The following EPDR1 variants were observed in gnomAD, a reference collection of about 807,000 sequenced individuals.
EPDR1 encodes mammalian ependymin-related protein 1.
EPDR1 carries 27 observed loss-of-function variants against 23.7 expected under a neutral mutation model. That is an observed-to-expected ratio of 1.14 (90% CI 0.84 to 1.57). The LOEUF (loss-of-function observed/expected upper bound fraction) is 1.57, where lower values mean the gene tolerates loss of function less well. EPDR1 is among the 40% of genes most tolerant of loss of function. EPDR1 has a pLI of 0.00. For synonymous variants in EPDR1, 137 were observed against 118.2 expected (o/e 1.16, Z -1.03); for missense variants, 349 against 290.4 (o/e 1.20, Z -1.47).
intron 1 of EPDR1, among the ~76,000 whole-genome samples, chr7:37,929,250 T>C (rs1785881803): frequency 6.6e-6 from 1 of 152,198 alleles, no homozygotes; most frequent in South Asian, 2.1e-4. Flanking sequence ...TGTTTAACGT[T>C]AAAGTTTGTT....
intron 1 of EPDR1, among the ~76,000 whole-genome samples, chr7:37,939,517 C>T (rs977799329): frequency 6.6e-6 from 1 of 152,102 alleles, no homozygotes; most frequent in African/African-American, 2.4e-5. Flanking sequence ...TAGCAGAATG[C>T]ATGTTGCTCT....
chr7:37,938,033 C>T (rs1786092476), intron 1 of EPDR1, among the ~76,000 whole-genome samples: 1 of 107,610 alleles, frequency 9.3e-6, no homozygotes, highest in South Asian at 3.6e-4. Context: ...CTCTGCCGCC[C>T]AGGCTAGAAT....
rs1562865063 is a variant in EPDR1 at position 37,948,963 on chromosome 7, C to T, written c.393C>T (p.Ser131=). 6.2e-7 allele frequency: 1 copy of T among 1,614,168 alleles called. No homozygotes were observed. The highest frequency in any genetic ancestry group is 2.2e-5 in the East Asian group (1 of 44,876). Reference sequence around the variant, plus strand: ...ATCCTCTTGACATTCCTCAAAACTCCACCTTTGAAGACCAGTACTCCATCG... The same window carrying T: ...ATCCTCTTGACATTCCTCAAAACTCTACCTTTGAAGACCAGTACTCCATCG... The part of the protein sequence containing the change: ...PWDPLDIPQN[S]TFEDQYSIGG... Residue 131 remains serine (S), a synonymous_variant, in exon 2 of 3, where the codon TCC becomes TCT. Coordinates refer to ENST00000199448, the MANE Select transcript of EPDR1 (RefSeq NM_017549.5).
At chr7:37,945,918 C>A (rs112941118) in intron 1 of EPDR1, among the ~76,000 whole-genome samples, 1 of 152,070 alleles carries the variant, frequency 6.6e-6, no homozygotes, top group Admixed American at 6.5e-5. Flanking sequence ...GTTGCTTCCC[C>A]GACGCGTCCA....
chr7:37,938,930 G>T (rs1018801855), intron 1 of EPDR1, among the ~76,000 whole-genome samples: 2 of 151,720 alleles, frequency 1.3e-5, no homozygotes, highest in South Asian at 2.1e-4. Context: ...CCTGTTAATT[G>T]TCTGTACAAT....
chr7:37,935,427 G>A (rs2132009255), intron 1 of EPDR1, among the ~76,000 whole-genome samples: 1 of 152,188 alleles, frequency 6.6e-6, no homozygotes, highest in African/African-American at 2.4e-5. Flanking sequence ...ACAAATATGA[G>A]ATTTTCCTGC....
rs763723309 is a variant in EPDR1 at position 37,920,741 on chromosome 7, G to T, written c.-199G>T. On this transcript the variant is annotated 5_prime_UTR_variant, in exon 1 of 3. Transcript: ENST00000199448. ...GCGCGATTCACTGGAGCCTTCCCCGGGCCCTGGTCCCGGCTACCGGGACTC... is the reference window on the plus strand; with the variant it reads ...GCGCGATTCACTGGAGCCTTCCCCGTGCCCTGGTCCCGGCTACCGGGACTC... 3.1e-6 allele frequency: 5 copies of T among 1,609,300 alleles called. No individual in the cohort carries two copies. The highest frequency in any genetic ancestry group is 4.2e-6 in the Non-Finnish European group (5 of 1,177,534).
At chr7:37,940,789 A>T (rs1786154653) in intron 1 of EPDR1, among the ~76,000 whole-genome samples, 1 of 140,060 alleles carries the variant, frequency 7.1e-6, no homozygotes, top group Admixed American at 7.2e-5. Context: ...TATCTATATG[A>T]ATTCGAGTTT....
intron 1 of EPDR1, among the ~76,000 whole-genome samples, chr7:37,931,051 T>C (rs1014901667): frequency 1.2e-4 from 16 of 130,212 alleles, no homozygotes; most frequent in Admixed American, 9.8e-4. Context: ...AGAGAAATTA[T>C]TCAATTTTTT....
Position 37,920,996 on chromosome 7 carries a change from G to A in EPDR1, c.57G>A (p.Leu19=). ...CGGGCGCCCTGGGTGCCTGGCTGCTGGGCGGCCTCTGGGCCTGGACCCTGT... is the reference window on the plus strand; with the variant it reads ...CGGGCGCCCTGGGTGCCTGGCTGCTAGGCGGCCTCTGGGCCTGGACCCTGT... ...TVPGALGAWL[L]GGLWAWTLCG... Residue 19 remains leucine, a synonymous_variant, in exon 1 of 3, where the codon CTG becomes CTA. Transcript: ENST00000199448. 6.5e-7 allele frequency: 1 copy of A among 1,534,858 alleles called. No individual in the cohort carries two copies. The highest frequency in any genetic ancestry group is 8.7e-7 in the Non-Finnish European group (1 of 1,144,754).
chr7:37,935,089 A>G (rs1023150007), intron 1 of EPDR1, among the ~76,000 whole-genome samples: 1 of 152,230 alleles, frequency 6.6e-6, no homozygotes, highest in Non-Finnish European at 1.5e-5. Flanking sequence ...TGCATAGGTT[A>G]TATGCAAATA....
At chr7:37,942,522 ATATATT>A (rs1486473807) in intron 1 of EPDR1, among the ~76,000 whole-genome samples, 3 of 152,188 alleles carry the variant, frequency 2.0e-5, no homozygotes, top group African/African-American at 7.2e-5. Context: ...CACAATGTGA[ATATATT>A]TAACATTACT....
chr7:37,927,152 T>C (rs1191634905), intron 1 of EPDR1, among the ~76,000 whole-genome samples: 1 of 152,224 alleles, frequency 6.6e-6, no homozygotes, highest in African/African-American at 2.4e-5. Flanking sequence ...AGTTAGAACC[T>C]GTGCTCTGGT....
At position 37,934,501 on chromosome 7, in the gene EPDR1, A is replaced by G. The variant is rs576865820; in HGVS notation, c.269+13293A>G. 3.3e-5 allele frequency among the ~76,000 whole-genome samples: 5 copies of G among 151,702 alleles called. No individual in the cohort carries two copies. The South Asian group carries it at 1.0e-3, about 32-fold the overall frequency. ...AGGAATCTCCAGAGGATTATCTCTCATTACAAACTTTCCTTTAGATCTTCA... is the reference window on the plus strand; with the variant it reads ...AGGAATCTCCAGAGGATTATCTCTCGTTACAAACTTTCCTTTAGATCTTCA... On this transcript the variant is annotated intron_variant, in intron 1 of 2. Coordinates refer to ENST00000199448, the MANE Select transcript of EPDR1 (RefSeq NM_017549.5).
intron 1 of EPDR1, among the ~76,000 whole-genome samples, chr7:37,923,784 G>A (rs1179670612): frequency 6.6e-6 from 1 of 152,102 alleles, no homozygotes; most frequent in East Asian, 1.9e-4. Context: ...CTGAGTCTCA[G>A]TATCCTCATT....
At chr7:37,937,770 G>A (rs1183545829) in intron 1 of EPDR1, among the ~76,000 whole-genome samples, 1 of 151,896 alleles carries the variant, frequency 6.6e-6, no homozygotes, top group African/African-American at 2.4e-5. Context: ...TATTGTACAA[G>A]GGGACTTTTG....
At chr7:37,944,743 T>A (rs754148652) in intron 1 of EPDR1, among the ~76,000 whole-genome samples, 9 of 152,214 alleles carry the variant, frequency 5.9e-5, no homozygotes, top group Non-Finnish European at 1.2e-4. Context: ...ATGAGAATTA[T>A]GGGAGCTACA....
intron 1 of EPDR1, among the ~76,000 whole-genome samples, chr7:37,931,242 G>T (rs559417417): frequency 1.3e-5 from 2 of 152,156 alleles, no homozygotes; most frequent in South Asian, 2.1e-4. Context: ...GGCCAGGTGC[G>T]GTGGCTCACG....
In EPDR1 at chr7:37,925,212, T is replaced by G. The variant is rs1232860242; in HGVS notation, c.269+4004T>G. On this transcript the variant is annotated intron_variant, in intron 1 of 2. Transcript: ENST00000199448. ...GATGATTTTCATATTTCAGGCAGCA[T>G]GTTGAACTTTATAGGGGAAGCAGCG... 3.3e-5 allele frequency among the ~76,000 whole-genome samples: 5 copies of G among 152,244 alleles called. 1 individual carries two copies. The highest frequency in any genetic ancestry group is 7.3e-5 in the Non-Finnish European group (5 of 68,040).
Sources: allele counts gnomAD v4.1 joint callset (sites outside exome capture counted in the v4.1 genomes callset), GRCh38; gene constraint gnomAD v4.1.1; transcripts MANE v1.5; gene names NCBI Gene and HGNC (gene_info 2026-07-23, HGNC 2026-07-21).